DUS2: variants seen among roughly 807,000 people sequenced by gnomAD.
The protein encoded by DUS2 is dihydrouridine synthase 2, also known as tRNA-dihydrouridine(20) synthase [NAD(P)+]-like.
In DUS2, 52 loss-of-function variants were observed where a neutral mutation model predicts 71.3. That is an observed-to-expected ratio of 0.73 (90% confidence interval 0.58 to 0.92). The LOEUF is 0.92. Among genes scored for constraint, DUS2 ranks in the 40% least tolerant of loss-of-function variants. The pLI is 0.00. For synonymous variants in DUS2, 204 were observed against 227.8 expected (o/e 0.90, Z 0.94); for missense variants, 558 against 622.6 (o/e 0.90, Z 1.10).
At chr16:68,072,679 C>T (rs751370234) in intron 12 of DUS2, among the ~76,000 whole-genome samples, 30 of 148,068 alleles carry the variant, frequency 2.0e-4, no homozygotes, top group Non-Finnish European at 2.2e-4. Flanking sequence ...CATAGGCCCA[C>T]GTGGAGTTAC....
intron 3 of DUS2, among the ~76,000 whole-genome samples, chr16:68,046,370 A>G (rs956458083): frequency 2.0e-5 from 3 of 151,464 alleles, no homozygotes; most frequent in African/African-American, 7.3e-5. Flanking sequence ...TGTAAAGTAC[A>G]TGATTTCATT....
intron 3 of DUS2, among the ~76,000 whole-genome samples, chr16:68,046,924 G>A (rs931804115): frequency 6.6e-6 from 1 of 151,286 alleles, no homozygotes; most frequent in Non-Finnish European, 1.5e-5. Context: ...TTTTGTTTTT[G>A]TATTTTTAGT....
At chr16:68,029,506 A>T (rs1372156901) in intron 2 of DUS2, among the ~76,000 whole-genome samples, 3 of 151,812 alleles carry the variant, frequency 2.0e-5, no homozygotes, top group Admixed American at 2.0e-4. Flanking sequence ...GAGTGCAGTG[A>T]TACGATCTTG....
intron 2 of DUS2, among the ~76,000 whole-genome samples, chr16:68,035,884 TTATATATATA>T (rs71145987): frequency 0.079 from 8,906 of 112,536 alleles, 418 homozygotes; most frequent in African/African-American, 0.09. Context: ...CCCGCTAATT[TTATATATATA>T]TATATATATA....
chr16:68,075,393 C>A lies in DUS2; in HGVS notation c.971C>A (p.Thr324Lys), dbSNP rs552445356. 1.2e-6 allele frequency: 2 copies of A among 1,613,396 alleles called. No homozygotes were observed. Among genetic ancestry groups the A allele is most frequent in the South Asian group, 2.2e-5 (2 of 90,792 alleles). Residue 324 changes from threonine (T) to lysine (K), a missense_variant, in exon 14 of 17, where the codon ACA becomes AAA. By Grantham distance (78) the Thr-to-Lys change is moderately conservative. Transcript: ENST00000565263. ...CTTGGTGCCTTCTATGAGGAGACCA[C>A]ACAGGAGCTGGATGCCCAGCAGGCC... ...FGLGAFYEET[T>K]QELDAQQARL...
chr16:68,030,934 G>A (rs1280729039), intron 2 of DUS2, among the ~76,000 whole-genome samples: 1 of 151,976 alleles, frequency 6.6e-6, no homozygotes, highest in Non-Finnish European at 1.5e-5. Context: ...GGTAGAGATG[G>A]GATCTTGCTA....
intron 3 of DUS2, among the ~76,000 whole-genome samples, chr16:68,039,673 C>CTCATGATCCTCATGATCCTCATGATCCA (rs1381582968): frequency 3.3e-5 from 5 of 151,954 alleles, no homozygotes; most frequent in Admixed American, 2.0e-4. Flanking sequence ...CTCACGTCTC[C>CTCATGATCCTCATGATCCTCATGATCCA]GCCTTCCAAA....
intron 4 of DUS2, 149 bp downstream of exon 4, chr16:68,049,699 C>A: frequency 1.4e-6 from 1 of 725,304 alleles, no homozygotes; most frequent in Non-Finnish European, 2.4e-6. Context: ...AGTCACTGAT[C>A]TCCAGAGGCC....
At chr16:68,056,281 G>A in intron 6 of DUS2, 83 bp from the exon 7 acceptor site, 18 of 1,206,984 alleles carry the variant, frequency 1.5e-5, no homozygotes, top group Non-Finnish European at 2.2e-5. Flanking sequence ...AGGTTCATGA[G>A]CACAGGCCCA....
At chr16:68,071,255 T>C in intron 12 of DUS2, 147 bp downstream of exon 12, 1 of 835,658 alleles carries the variant, frequency 1.2e-6, no homozygotes, top group Non-Finnish European at 1.9e-6. Flanking sequence ...CTGCACTAGC[T>C]CACTGCTTTA....
In DUS2 at chr16:68,076,622, C is replaced by T. The variant is rs1375898802; in HGVS notation, c.1083-10C>T. 1 of 1,611,450 alleles carries T rather than the reference C, an allele frequency of 6.2e-7. No homozygotes were observed. Among genetic ancestry groups the T allele is most frequent in the African/African-American group, 1.3e-5 (1 of 74,846 alleles). ...TGGGTGACCCCAACTGCTTCCCTTCCTTTCCCCAGGAGAGCATACCCAGCC... is the reference window on the plus strand; with the variant it reads ...TGGGTGACCCCAACTGCTTCCCTTCTTTTCCCCAGGAGAGCATACCCAGCC... On this transcript the variant is annotated splice_polypyrimidine_tract_variant and intron_variant, in intron 14 of 16. Transcript: ENST00000565263.
At chr16:68,072,441 A>C (rs1199573815) in intron 12 of DUS2, among the ~76,000 whole-genome samples, 1 of 152,204 alleles carries the variant, frequency 6.6e-6, no homozygotes, top group Non-Finnish European at 1.5e-5. Flanking sequence ...CACTGGGTGA[A>C]AGGTGATATT....
At chr16:68,076,090 G>T (rs1007710252) in intron 14 of DUS2, among the ~76,000 whole-genome samples, 30 of 152,272 alleles carry the variant, frequency 2.0e-4, no homozygotes, top group Admixed American at 3.3e-4. Context: ...AGATGCCAGG[G>T]AGAGTTCCAG....
At chr16:68,072,848 G>T (rs573139311) in intron 12 of DUS2, among the ~76,000 whole-genome samples, 4 of 152,164 alleles carry the variant, frequency 2.6e-5, no homozygotes, top group Non-Finnish European at 5.9e-5. Context: ...TTCATTTCAC[G>T]GTCTGTGGAG....
intron 3 of DUS2, among the ~76,000 whole-genome samples, chr16:68,040,466 A>G (rs573588216): frequency 3.9e-5 from 6 of 152,324 alleles, no homozygotes; most frequent in African/African-American, 1.4e-4. Context: ...TAATTGGGCA[A>G]GACTTGGTTT....
At chr16:68,056,844 TATA>T (rs911564707) in intron 7 of DUS2, among the ~76,000 whole-genome samples, 7 of 145,108 alleles carry the variant, frequency 4.8e-5, no homozygotes, top group South Asian at 2.1e-4. Context: ...TTATATATTA[TATA>T]ATGTTATATA....
At chr16:68,041,110 A>C (rs1434647344) in intron 3 of DUS2, among the ~76,000 whole-genome samples, 1 of 152,150 alleles carries the variant, frequency 6.6e-6, no homozygotes, top group Non-Finnish European at 1.5e-5. Flanking sequence ...GCACACCTGT[A>C]GTCCCAGCTT....
At chr16:68,057,235 C>CATAT (rs66818755) in intron 7 of DUS2, among the ~76,000 whole-genome samples, 2 of 142,212 alleles carry the variant, frequency 1.4e-5, no homozygotes, top group African/African-American at 5.1e-5. Context: ...TGTATAGATA[C>CATAT]ATATATATAT....
intron 4 of DUS2, 81 bp from the exon 5 acceptor site, chr16:68,053,483 C>A: frequency 2.3e-6 from 3 of 1,315,232 alleles, no homozygotes; most frequent in Non-Finnish European, 3.3e-6. Context: ...TATACTCTGG[C>A]TGTGTTTTCT....
Sources: allele counts gnomAD v4.1 joint callset (sites outside exome capture counted in the v4.1 genomes callset), GRCh38; gene constraint gnomAD v4.1.1; transcripts MANE v1.5; gene names NCBI Gene and HGNC (gene_info 2026-07-23, HGNC 2026-07-21).